Variants in TFPT observed in about 807,000 individuals in gnomAD.
TFPT encodes TCF3 fusion partner.
In TFPT, 27 loss-of-function variants were observed where a neutral mutation model predicts 28.8. The ratio of observed to expected loss-of-function variants is 0.94; its 90% CI spans 0.69 to 1.29. The LOEUF (loss-of-function observed/expected upper bound fraction) is 1.29. TFPT is among the 50% of genes most tolerant of loss of function. The probability of loss-of-function intolerance (pLI) is 0.00; values close to 1 mark genes in which losing one functional copy is unlikely to be tolerated. For missense variants in TFPT, 330 were observed against 338.0 expected (o/e 0.98, Z 0.19); for synonymous variants, 152 against 142.8 (o/e 1.06, Z -0.46).
intron 2 of TFPT, 116 bp downstream of exon 2, chr19:54,114,326 A>T: frequency 6.8e-7 from 1 of 1,469,642 alleles, no homozygotes; most frequent in Admixed American, 2.2e-5. Flanking sequence ...ATATAAGCTA[A>T]ATGACTGAAT....
At chr19:54,109,552 A>G (rs1319895061) in intron 3 of TFPT, among the ~76,000 whole-genome samples, 3 of 152,116 alleles carry the variant, frequency 2.0e-5, no homozygotes, top group Admixed American at 6.5e-5. Context: ...GGCAGCAGCC[A>G]CCTGGGCAGG....
intron 2 of TFPT, among the ~76,000 whole-genome samples, chr19:54,110,828 T>G (rs1267955480): frequency 6.6e-6 from 1 of 152,204 alleles, no homozygotes; most frequent in Non-Finnish European, 1.5e-5. Context: ...TCCGCCTCTT[T>G]GCTTATTCTG....
At chr19:54,109,770 G>A (rs1461530406) in intron 3 of TFPT, among the ~76,000 whole-genome samples, 4 of 30,238 alleles carry the variant, frequency 1.3e-4, no homozygotes, top group East Asian at 3.8e-3. Flanking sequence ...CCATCCTGCT[G>A]TTCCCTCCCT....
At chr19:54,107,406 A>G in intron 5 of TFPT, 1 of 546,932 alleles carries the variant, frequency 1.8e-6, no homozygotes. Flanking sequence ...TTGCCAACCA[A>G]GCCTAACATG....
chr19:54,114,637 A>G lies in TFPT; in HGVS notation c.87T>C (p.Pro29=). Residue 29 remains proline (P), a synonymous_variant, in exon 2 of 6, where the codon CCT becomes CCC. Coordinates refer to ENST00000391759, the MANE Select transcript of TFPT (RefSeq NM_013342.4). The part of the protein sequence containing the change: ...SAPPGSELAL[P]PLFGGHILES... ...CCAGGATGTGGCCACCAAATAGGGG[A>G]GGCAACGCCAACTCTGAGCCTGGCG... The G allele has an allele frequency of 1.2e-6, 2 of 1,613,976 alleles. No individual in the cohort carries two copies. Among genetic ancestry groups the G allele is most frequent in the Non-Finnish European group, 1.7e-6 (2 of 1,180,012 alleles).
Position 54,115,400 on chromosome 19 carries a change from G to A in TFPT, c.-131C>T. 7.6e-7 allele frequency: 1 copy of A among 1,324,378 alleles called. No homozygotes were observed. Among genetic ancestry groups the A allele is most frequent in the Non-Finnish European group, 1.1e-6 (1 of 937,766 alleles). 82.0% of individuals were successfully genotyped at this position (1,324,378 alleles called of 1,614,324 possible). A position where few individuals can be genotyped will look rare whatever the true frequency, so the allele number is the denominator to read the frequency against. On this transcript the variant is annotated 5_prime_UTR_variant, in exon 1 of 6. Coordinates refer to ENST00000391759, the MANE Select transcript of TFPT (RefSeq NM_013342.4). ...ACGGCGGGACGTGGCCCTAGGCCTT[G>A]TGGGAGTTGTAGTTTCCTGTTTCCG...
intron 2 of TFPT, among the ~76,000 whole-genome samples, chr19:54,111,422 A>G (rs2146362599): frequency 6.6e-6 from 1 of 151,532 alleles, no homozygotes; most frequent in Middle Eastern, 3.4e-3. Context: ...ACATGCCTGT[A>G]ATCTCAGCTA....
In TFPT at chr19:54,110,116, G is replaced by T. The variant is rs1051140983; in HGVS notation, c.288C>A (p.Asn96Lys). The T allele has an allele frequency of 2.5e-6, 4 of 1,614,114 alleles. No homozygotes were observed. Among genetic ancestry groups the T allele is most frequent in the East Asian group, 2.2e-5 (1 of 44,874 alleles). The change falls in exon 3 of 6, where the codon AAC becomes AAA. Residue 96 changes from asparagine to lysine, a missense_variant. Transcript: ENST00000391759. ...GRRCREIEQV[N>K]ERVLNRLHQV... Reference sequence around the variant, plus strand: ...GATGGAGCCTGTTCAGGACCCGCTCGTTCACCTATGGGGTGGGAAACGCCC... The same window carrying T: ...GATGGAGCCTGTTCAGGACCCGCTCTTTCACCTATGGGGTGGGAAACGCCC...
At position 54,108,956 on chromosome 19, in the gene TFPT, G is replaced by A. The variant is rs1218704719; in HGVS notation, c.354-561C>T. 4.0e-5 allele frequency: 8 copies of A among 201,428 alleles called. 1 individual carries two copies. Among genetic ancestry groups the A allele is most frequent in the East Asian group, 1.4e-4 (1 of 7,308 alleles). 12.5% of individuals were successfully genotyped at this position (201,428 alleles called of 1,614,324 possible). A position where few individuals can be genotyped will look rare whatever the true frequency, so the allele number is the denominator to read the frequency against. On this transcript the variant is annotated intron_variant, in intron 3 of 5. Transcript: ENST00000391759. Reference sequence around the variant, plus strand: ...GTCACCCAGGCTGGAGTGCAGTGGCGTGAATTTGGCTCACCACAACCTCCA... The same window carrying A: ...GTCACCCAGGCTGGAGTGCAGTGGCATGAATTTGGCTCACCACAACCTCCA...
At position 54,115,604 on chromosome 19, in the gene TFPT, T is replaced by C; in HGVS notation, c.-335A>G. 1 of 453,610 alleles carries C rather than the reference T, an allele frequency of 2.2e-6. No homozygotes were observed. The highest frequency in any genetic ancestry group is 3.5e-5 in the East Asian group (1 of 28,220). 28.1% of individuals were successfully genotyped at this position (453,610 alleles called of 1,614,324 possible). The stretch of plus-strand genomic sequence containing the variant: ...GGATCGGTCCACAGCGGGACGTGAG[T>C]CCCTTTCCTCCTCGCGGCTTACCGC... On this transcript the variant is annotated 5_prime_UTR_variant, in exon 1 of 6. Coordinates refer to ENST00000391759, the MANE Select transcript of TFPT (RefSeq NM_013342.4).
chr19:54,114,844 A>G (rs2073575634), intron 1 of TFPT, 144 bp from the exon 2 acceptor site: 2 of 1,221,726 alleles, frequency 1.6e-6, no homozygotes, highest in African/African-American at 1.5e-5. Flanking sequence ...AGACCGTAGA[A>G]TCCAGCTCCC....
intron 2 of TFPT, among the ~76,000 whole-genome samples, chr19:54,112,983 C>G (rs2073495607): frequency 6.8e-6 from 1 of 148,008 alleles, no homozygotes; most frequent in Non-Finnish European, 1.5e-5. Context: ...ATCCCAGCTA[C>G]TAGGGAGGCT....
intron 3 of TFPT, chr19:54,108,805 A>C: frequency 5.8e-6 from 3 of 518,440 alleles, no homozygotes; most frequent in Admixed American, 3.7e-5. Context: ...TCTTATAAAC[A>C]CCCCCTTCTC....
chr19:54,111,712 C>T (rs993539497), intron 2 of TFPT, among the ~76,000 whole-genome samples: 10 of 148,564 alleles, frequency 6.7e-5, no homozygotes, highest in African/African-American at 2.2e-4. Flanking sequence ...GTGCCAGGCA[C>T]GGTGGCTCAC....
At chr19:54,109,873 CT>C (rs2073399905) in intron 3 of TFPT, among the ~76,000 whole-genome samples, 177 bp downstream of exon 3, 1 of 45,860 alleles carries the variant, frequency 2.2e-5, no homozygotes, top group Non-Finnish European at 4.9e-5. Flanking sequence ...GCTCAGCCCT[CT>C]CCTCCAACAC....
chr19:54,107,870 A>G (rs1370777733), intron 5 of TFPT, among the ~76,000 whole-genome samples, 156 bp downstream of exon 5: 1 of 151,880 alleles, frequency 6.6e-6, no homozygotes, highest in East Asian at 1.9e-4. Flanking sequence ...AACTTTCCCC[A>G]GCCCTGGGCC....
chr19:54,107,236 TTTTTGTTTTCA>T (rs1258479934), intron 5 of TFPT, 67 bp from the exon 6 acceptor site: 31 of 1,572,610 alleles, frequency 2.0e-5, no homozygotes, highest in Non-Finnish European at 8.6e-7. Flanking sequence ...AGCTTCACCA[TTTTTGTTTTCA>T]TTTTGTTTTG....
In TFPT at chr19:54,110,133, G is replaced by C. The variant is rs1568568297; in HGVS notation, c.283-12C>G. On this transcript the variant is annotated splice_polypyrimidine_tract_variant and intron_variant, in intron 2 of 5. Coordinates refer to ENST00000391759, the MANE Select transcript of TFPT (RefSeq NM_013342.4). Reference sequence around the variant, plus strand: ...ACCCGCTCGTTCACCTATGGGGTGGGAAACGCCCATCAGCTGGATCCCACG... The same window carrying C: ...ACCCGCTCGTTCACCTATGGGGTGGCAAACGCCCATCAGCTGGATCCCACG... 6 of 1,613,958 alleles carry C rather than the reference G, an allele frequency of 3.7e-6. No homozygotes were observed.
rs139462928 is a variant in TFPT, at chr19:54,112,655, G to A, written c.282+1787C>T. Among the ~76,000 whole-genome samples the A allele has an allele frequency of 1.7e-3, 254 of 152,166 alleles. 1 individual carries two copies. The highest frequency in any genetic ancestry group is 5.9e-3 in the African/African-American group (247 of 41,524). On this transcript the variant is annotated intron_variant, in intron 2 of 5. Coordinates refer to ENST00000391759, the MANE Select transcript of TFPT (RefSeq NM_013342.4). Reference sequence around the variant, plus strand: ...AGTACAAAAATTAGCCAGGTGTGGTGGTGTGTGCCTGTAGTCCCAGCTATT... The same window carrying A: ...AGTACAAAAATTAGCCAGGTGTGGTAGTGTGTGCCTGTAGTCCCAGCTATT...
Sources: gnomAD v4.1 joint callset for allele counts (sites outside exome capture counted in the v4.1 genomes callset) on GRCh38, gnomAD v4.1.1 for gene constraint, MANE v1.5 for transcripts, NCBI Gene and HGNC (gene_info 2026-07-23, HGNC 2026-07-21) for gene names.